Variants in ZFAND6 observed in about 807,000 individuals in gnomAD.
ZFAND6 encodes AN1-type zinc finger protein 6.
Under a neutral mutation model 24.5 loss-of-function variants are expected in ZFAND6, and 12 were observed. That is an observed-to-expected ratio of 0.49 (90% confidence interval 0.31 to 0.79). The LOEUF (loss-of-function observed/expected upper bound fraction) is 0.79, where lower values mean the gene tolerates loss of function less well. ZFAND6 is among the 30% of genes least tolerant of loss of function. ZFAND6 has a pLI of 0.04. For synonymous variants in ZFAND6, 92 were observed against 81.5 expected (o/e 1.13, Z -0.69); for missense variants, 207 against 245.9 (o/e 0.84, Z 1.06).
At chr15:80,129,604 C>T (rs933722064) in intron 5 of ZFAND6, 1 of 152,076 alleles carries the variant, frequency 6.6e-6, no homozygotes, top group Non-Finnish European at 1.5e-5. Context: ...TACTTATTGT[C>T]GAATGTCTGC....
At chr15:80,095,062 A>G (rs1050075264) in intron 1 of ZFAND6, among the ~76,000 whole-genome samples, 1 of 152,040 alleles carries the variant, frequency 6.6e-6, no homozygotes, top group African/African-American at 2.4e-5. Context: ...CGTGAGCCCA[A>G]TAATCATTCT....
At chr15:80,068,354 A>G (rs2141804465) in intron 1 of ZFAND6, among the ~76,000 whole-genome samples, 1 of 150,912 alleles carries the variant, frequency 6.6e-6, no homozygotes, top group South Asian at 2.1e-4. Context: ...ATGGGGTTTC[A>G]CTGTGTTGCC....
rs111653502 is a variant in ZFAND6 at position 80,067,713 on chromosome 15, C to T, written c.-181+7904C>T. Among the ~76,000 whole-genome samples, 465 of 152,190 alleles carry T rather than the reference C, an allele frequency of 3.1e-3. 2 individuals carry two copies. Among genetic ancestry groups the T allele is most frequent in the African/African-American group, 0.011 (450 of 41,522 alleles). Reference sequence around the variant, plus strand: ...TGGACAGCAGAGAGACAGTCTTCTGCAATAATAGATACTTATCTTAATTTA... The same window carrying T: ...TGGACAGCAGAGAGACAGTCTTCTGTAATAATAGATACTTATCTTAATTTA... On this transcript the variant is annotated intron_variant, in intron 1 of 6. Transcript: ENST00000261749.
At chr15:80,131,089 A>G in intron 5 of ZFAND6, 91 bp from the exon 6 acceptor site, 1 of 933,224 alleles carries the variant, frequency 1.1e-6, no homozygotes, top group Non-Finnish European at 1.6e-6. Flanking sequence ...ATTCCTCAGT[A>G]TCCTCTGAAT....
intron 1 of ZFAND6, among the ~76,000 whole-genome samples, chr15:80,070,309 A>G (rs1232824180): frequency 1.3e-5 from 2 of 152,234 alleles, no homozygotes; most frequent in Admixed American, 1.3e-4. Flanking sequence ...TATACAATAC[A>G]TCTTTGAATA....
At chr15:80,124,258 C>T in intron 5 of ZFAND6, among the ~76,000 whole-genome samples, 1 of 151,930 alleles carries the variant, frequency 6.6e-6, no homozygotes. Context: ...ACGGTGAAAC[C>T]CTGTCTCTAC....
In ZFAND6 at chr15:80,071,105, G is replaced by A. The variant is rs2461642; in HGVS notation, c.-181+11296G>A. ...TATGCAGCTGTTTGGGCTTCAGCAG[G>A]GTATTGCTCCATATTCATGCCTAGT... On this transcript the variant is annotated intron_variant, in intron 1 of 6. Transcript: ENST00000261749. 7.6e-3 allele frequency among the ~76,000 whole-genome samples: 1,150 copies of A among 152,172 alleles called. 20 individuals are homozygous for A. Among genetic ancestry groups the A allele is most frequent in the African/African-American group, 0.026 (1,095 of 41,528 alleles).
At chr15:80,060,967 G>T (rs907712785) in intron 1 of ZFAND6, among the ~76,000 whole-genome samples, 1 of 152,172 alleles carries the variant, frequency 6.6e-6, no homozygotes, top group Non-Finnish European at 1.5e-5. Context: ...CGAGAAACAG[G>T]ATTAAATTCC....
intron 1 of ZFAND6, among the ~76,000 whole-genome samples, chr15:80,071,964 A>C (rs780703640): frequency 6.6e-5 from 10 of 152,098 alleles, no homozygotes; most frequent in Non-Finnish European, 1.2e-4. Context: ...GATGTCACTG[A>C]AATTTCTACT....
In ZFAND6 at chr15:80,063,450, G is replaced by A. The variant is rs144683558; in HGVS notation, c.-181+3641G>A. The stretch of plus-strand genomic sequence containing the variant: ...TCTGTCTCCCAGGCTGGAGTGCAAC[G>A]GTGCGATCTCAGCTCACCGCAACCT... On this transcript the variant is annotated intron_variant, in intron 1 of 6. Coordinates refer to ENST00000261749, the MANE Select transcript of ZFAND6 (RefSeq NM_019006.4). Among the ~76,000 whole-genome samples, 827 of 151,870 alleles carry A rather than the reference G, an allele frequency of 5.4e-3. 5 individuals carry two copies. Among genetic ancestry groups the A allele is most frequent in the Non-Finnish European group, 8.5e-3 (575 of 67,964 alleles).
At position 80,138,121 on chromosome 15, in the gene ZFAND6, A is replaced by G. The variant is rs2142077730; in HGVS notation, c.*493A>G. On this transcript the variant is annotated 3_prime_UTR_variant, in exon 7 of 7. Transcript: ENST00000261749. The stretch of plus-strand genomic sequence containing the variant: ...ACAAAGGTTATTCATATGTTAGCAT[A>G]TAGTTTCTTTGCACCCACTATTTAT... 1 of 152,952 alleles carries G rather than the reference A, an allele frequency of 6.5e-6. No individual in the cohort carries two copies. Among genetic ancestry groups the G allele is most frequent in the East Asian group, 1.9e-4 (1 of 5,190 alleles). The allele number at this position is 152,952 out of a possible 1,614,324, so 9.5% of individuals were successfully genotyped here.
chr15:80,098,014 C>T (rs559617981), intron 1 of ZFAND6, among the ~76,000 whole-genome samples: 95 of 152,298 alleles, frequency 6.2e-4, no homozygotes, highest in African/African-American at 2.2e-3. Flanking sequence ...CTCATTCTCC[C>T]TAGTCCGGTG....
intron 1 of ZFAND6, among the ~76,000 whole-genome samples, chr15:80,063,278 T>A (rs1237456870): frequency 1.3e-5 from 2 of 152,220 alleles, no homozygotes; most frequent in Non-Finnish European, 2.9e-5. Context: ...TATTTCAACA[T>A]GTAATCAGTA....
At chr15:80,128,638 T>C (rs2040470296) in intron 5 of ZFAND6, among the ~76,000 whole-genome samples, 1 of 152,230 alleles carries the variant, frequency 6.6e-6, no homozygotes, top group Non-Finnish European at 1.5e-5. Flanking sequence ...AAATTCAGGT[T>C]GTCAGCTATT....
chr15:80,121,718 C>G lies in ZFAND6; in HGVS notation c.161C>G (p.Ser54Cys). The stretch of plus-strand genomic sequence containing the variant: ...CAATGTGGTACTGTTACAGCAACCT[C>G]TGTCAGTAGTCTGTCTGAATCTTTA... ...SNGRISPPAT[S>C]VSSLSESLPV... Residue 54 changes from serine (S) to cysteine (C), a missense_variant, in exon 4 of 7, where the codon TCT becomes TGT. Physicochemically the swap from Ser to Cys is moderately radical, Grantham distance 112. Around this residue, in one of 3 missense-constraint regions of ZFAND6, gnomAD observed 133 missense variants for 122.8 expected, o/e 1.08. Coordinates refer to ENST00000261749, the MANE Select transcript of ZFAND6 (RefSeq NM_019006.4). 1.9e-6 allele frequency: 3 copies of G among 1,613,706 alleles called. No homozygotes were observed. Among genetic ancestry groups the G allele is most frequent in the Non-Finnish European group, 2.5e-6 (3 of 1,179,740 alleles).
Position 80,137,836 on chromosome 15 carries a change from T to G in ZFAND6, c.*208T>G, listed in dbSNP as rs981898525. 3 of 447,350 alleles carry G rather than the reference T, an allele frequency of 6.7e-6. No individual in the cohort carries two copies. The highest frequency in any genetic ancestry group is 1.1e-5 in the Non-Finnish European group (3 of 264,600). The allele number at this position is 447,350 out of a possible 1,614,324, so 27.7% of individuals were successfully genotyped here. A position where few individuals can be genotyped will look rare whatever the true frequency, so the allele number is the denominator to read the frequency against. On this transcript the variant is annotated 3_prime_UTR_variant, in exon 7 of 7. Transcript: ENST00000261749. ...GCTGAGGAGACTTAAACTTTACAAG[T>G]ATTATCCTTTTAAGATCATTTTAAT... is the stretch of plus-strand genomic sequence containing the variant.
intron 1 of ZFAND6, among the ~76,000 whole-genome samples, chr15:80,076,021 C>T (rs1236709427): frequency 6.6e-6 from 1 of 152,066 alleles, no homozygotes; most frequent in East Asian, 1.9e-4. Context: ...ATGATACTGT[C>T]TGTGCTTTCC....
intron 1 of ZFAND6, among the ~76,000 whole-genome samples, chr15:80,078,292 A>G (rs2037413789): frequency 1.3e-5 from 2 of 152,176 alleles, no homozygotes; most frequent in Non-Finnish European, 2.9e-5. Flanking sequence ...GTTCCCATTT[A>G]TAAGTGACAA....
intron 1 of ZFAND6, among the ~76,000 whole-genome samples, chr15:80,086,116 G>A (rs979652778): frequency 6.6e-6 from 1 of 152,158 alleles, no homozygotes; most frequent in Non-Finnish European, 1.5e-5. Context: ...TCAGCCCACT[G>A]CAACCTCCGT....
Sources: allele counts gnomAD v4.1 joint callset (sites outside exome capture counted in the v4.1 genomes callset), GRCh38; gene constraint gnomAD v4.1.1; regional missense constraint gnomAD v4.1.1; transcripts MANE v1.5; gene names NCBI Gene and HGNC (gene_info 2026-07-23, HGNC 2026-07-21).